BCAS3: variants seen among roughly 807,000 people sequenced by gnomAD.
BCAS3 encodes the protein BCAS3 microtubule associated cell migration factor.
Under a neutral mutation model 116.1 loss-of-function variants are expected in BCAS3, and 53 were observed. The ratio of observed to expected loss-of-function variants is 0.46; its 90% CI spans 0.37 to 0.57. The LOEUF (loss-of-function observed/expected upper bound fraction) is 0.57, where lower values mean the gene tolerates loss of function less well. Among genes scored for constraint, BCAS3 ranks in the 20% least tolerant of loss-of-function variants. The pLI, the probability that BCAS3 is intolerant of heterozygous loss-of-function variation, is 0.00. For missense variants in BCAS3, 917 were observed against 1,165.4 expected, an observed-to-expected ratio of 0.79 and a Z score of 3.10; for synonymous variants, 391 against 408.2, an observed-to-expected ratio of 0.96 and a Z score of 0.51.
rs1311594452 is a variant in BCAS3, at chr17:61,032,383, A to G, written c.1638-2283A>G. ...TTGCAAACTGCTTTCAAAAAATTCT[A>G]CAATACTTTTCTCTTTCCCGTTCCC... On this transcript the variant is annotated intron_variant, in intron 16 of 23. Transcript: ENST00000407086. This position sits in a 1 kb window ranked among gnomAD's most constrained non-coding sequence, Gnocchi z 4.6. Among the ~76,000 whole-genome samples the G allele has an allele frequency of 6.6e-6, 1 of 152,138 alleles. No homozygotes were observed. Among genetic ancestry groups the G allele is most frequent in the Non-Finnish European group, 1.5e-5 (1 of 68,000 alleles).
rs959333442 is a variant in BCAS3 at position 60,961,729 on chromosome 17, G to A, written c.1221+14377G>A. Among the ~76,000 whole-genome samples the A allele has an allele frequency of 6.6e-6, 1 of 150,816 alleles. No homozygotes were observed. Among genetic ancestry groups the A allele is most frequent in the African/African-American group, 2.4e-5 (1 of 40,988 alleles). ...CATTCACCCTGCCCCACACTTCCTGGCCTCTGATAACTGCCATTCTACTCT... is the reference window on the plus strand; with the variant it reads ...CATTCACCCTGCCCCACACTTCCTGACCTCTGATAACTGCCATTCTACTCT... On this transcript the variant is annotated intron_variant, in intron 14 of 23. Transcript: ENST00000407086. This position sits in a 1 kb window ranked among gnomAD's most constrained non-coding sequence, Gnocchi z 4.8.
chr17:61,224,629 C>G lies in BCAS3; in HGVS notation c.2425+140065C>G, dbSNP rs2082281440. ...TCAACTGGTTTGTTGGGATTTGCAT[C>G]TTGCATCCACCACTTCTTACTTCTG... On this transcript the variant is annotated intron_variant, in intron 22 of 23. Transcript: ENST00000407086. The surrounding 1 kb of genome is among the most constrained non-coding windows in gnomAD (Gnocchi z 5.7). 6.6e-6 allele frequency among the ~76,000 whole-genome samples: 1 copy of G among 152,202 alleles called. No individual in the cohort carries two copies. The highest frequency in any genetic ancestry group is 1.5e-5 in the Non-Finnish European group (1 of 68,038).
chr17:61,168,143 G>A lies in BCAS3; in HGVS notation c.2425+83579G>A, dbSNP rs535448440. 2.0e-5 allele frequency among the ~76,000 whole-genome samples: 3 copies of A among 152,252 alleles called. No homozygotes were observed. In the South Asian group the frequency reaches 6.2e-4, roughly 32 times the overall value. On this transcript the variant is annotated intron_variant, in intron 22 of 23. Transcript: ENST00000407086. The stretch of plus-strand genomic sequence containing the variant: ...TTATTTCATTTGCTGGGTCAGGTTT[G>A]ACTTTTCTTTTTTCCCATCTGTCTC...
At chr17:61,090,943 C>T (rs1422767323) in intron 22 of BCAS3, among the ~76,000 whole-genome samples, 1 of 152,202 alleles carries the variant, frequency 6.6e-6, no homozygotes, top group Non-Finnish European at 1.5e-5. Context: ...GCGTGAGCCA[C>T]CGTGCCTGGC....
intron 5 of BCAS3, among the ~76,000 whole-genome samples, chr17:60,711,463 G>A: frequency 6.9e-6 from 1 of 145,674 alleles, no homozygotes; most frequent in South Asian, 2.1e-4. Context: ...TTTGTTGACA[G>A]TACTGAAGAC....
intron 22 of BCAS3, among the ~76,000 whole-genome samples, chr17:61,115,479 C>A: frequency 7.1e-6 from 1 of 141,110 alleles, no homozygotes. Context: ...AGCCAAAAAA[C>A]ACATGAAAAA....
At position 60,786,647 on chromosome 17, in the gene BCAS3, T is replaced by C. The variant is rs113703411; in HGVS notation, c.404-21357T>C. Among the ~76,000 whole-genome samples, 431 of 152,104 alleles carry C rather than the reference T, an allele frequency of 2.8e-3. 1 individual carries two copies. The highest frequency in any genetic ancestry group is 9.8e-3 in the African/African-American group (406 of 41,514). On this transcript the variant is annotated intron_variant, in intron 6 of 23. Transcript: ENST00000407086. ...ATATGTAAACATTTTAGTATGCTTA[T>C]TGGCAAGACTCATGAACGTTAATTG...
chr17:61,172,882 G>A (rs2078931890), intron 22 of BCAS3, among the ~76,000 whole-genome samples: 4 of 151,434 alleles, frequency 2.6e-5, no homozygotes, highest in Admixed American at 2.6e-4. Context: ...CAGCTACTTG[G>A]GAAGCTGAGG....
At position 61,051,315 on chromosome 17, in the gene BCAS3, C is replaced by T. The variant is rs555031063; in HGVS notation, c.2029+10423C>T. 1.3e-4 allele frequency among the ~76,000 whole-genome samples: 20 copies of T among 151,730 alleles called. No homozygotes were observed. Among genetic ancestry groups the T allele is most frequent in the African/African-American group, 4.3e-4 (18 of 41,496 alleles). On this transcript the variant is annotated intron_variant, in intron 19 of 23. Transcript: ENST00000407086. The surrounding 1 kb of genome is among the most constrained non-coding windows in gnomAD (Gnocchi z 4.1). Reference sequence around the variant, plus strand: ...AGGGATGGGGTGGGAGAGAATGTGGCTATATAGAGTTATTACAAGGTTGAT... The same window carrying T: ...AGGGATGGGGTGGGAGAGAATGTGGTTATATAGAGTTATTACAAGGTTGAT...
intron 15 of BCAS3, among the ~76,000 whole-genome samples, chr17:60,999,619 C>G (rs756134383): frequency 4.7e-5 from 7 of 150,360 alleles, no homozygotes; most frequent in Non-Finnish European, 7.4e-5. Flanking sequence ...CTTAGGATTG[C>G]TTTGGCTATT....
intron 22 of BCAS3, among the ~76,000 whole-genome samples, chr17:61,305,289 C>CT (rs1285095735): frequency 2.6e-5 from 4 of 152,100 alleles, no homozygotes; most frequent in Non-Finnish European, 5.9e-5. Flanking sequence ...TTCCTTTCCA[C>CT]TAGTATGGTG....
chr17:60,814,306 T>TGTGC (rs368289350), intron 7 of BCAS3, among the ~76,000 whole-genome samples: 6 of 148,300 alleles, frequency 4.0e-5, no homozygotes, highest in Admixed American at 6.7e-5. Context: ...TGTGTGTGTG[T>TGTGC]GCGCGCGTGC....
chr17:60,851,527 T>A (rs2053162959), intron 7 of BCAS3: 1 of 606,838 alleles, frequency 1.6e-6, no homozygotes, highest in Non-Finnish European at 3.1e-6. Flanking sequence ...AACCACCATC[T>A]GTAAAGCTCT....
intron 7 of BCAS3, among the ~76,000 whole-genome samples, chr17:60,843,391 C>T (rs1460546499): frequency 6.6e-6 from 1 of 151,504 alleles, no homozygotes; most frequent in Non-Finnish European, 1.5e-5. Context: ...CTAATTTTGG[C>T]AATTTTTAGT....
intron 13 of BCAS3, among the ~76,000 whole-genome samples, chr17:60,943,358 C>T (rs2060321032): frequency 6.6e-6 from 1 of 151,904 alleles, no homozygotes; most frequent in South Asian, 2.1e-4. Context: ...CTAAAAGAAG[C>T]CTATATTGAT....
Position 60,790,889 on chromosome 17 carries a change from G to A in BCAS3, c.404-17115G>A, listed in dbSNP as rs564202139. Among the ~76,000 whole-genome samples the A allele has an allele frequency of 6.6e-5, 10 of 151,730 alleles. No individual in the cohort carries two copies. In the South Asian group the frequency reaches 1.7e-3, roughly 25 times the overall value. On this transcript the variant is annotated intron_variant, in intron 6 of 23. Coordinates refer to ENST00000407086, the MANE Select transcript of BCAS3 (RefSeq NM_017679.5). ...CTCCCAAGTAGCCAGGATTACAGGC[G>A]TGCACCACCACGCCTGGCTAATTTT...
chr17:61,344,654 A>G lies in BCAS3; in HGVS notation c.2426-23673A>G, dbSNP rs2057390406. Among the ~76,000 whole-genome samples the G allele has an allele frequency of 6.6e-6, 1 of 152,206 alleles. No homozygotes were observed. Among genetic ancestry groups the G allele is most frequent in the African/African-American group, 2.4e-5 (1 of 41,446 alleles). On this transcript the variant is annotated intron_variant, in intron 22 of 23. Transcript: ENST00000407086. The surrounding 1 kb of genome is among the most constrained non-coding windows in gnomAD (Gnocchi z 4.1). ...AGGAGAGGATCAGAAAAGGCTTCCC[A>G]GAAGTTCGATTTAAGCTGCAGTTGA...
intron 22 of BCAS3, among the ~76,000 whole-genome samples, chr17:61,304,762 T>C (rs2053711688): frequency 6.6e-6 from 1 of 152,124 alleles, no homozygotes; most frequent in East Asian, 1.9e-4. Context: ...CAATCCTTTT[T>C]TTTTTTTTGA....
In BCAS3 at chr17:61,204,390, A is replaced by G. The variant is rs957524239; in HGVS notation, c.2425+119826A>G. Among the ~76,000 whole-genome samples the G allele has an allele frequency of 6.6e-6, 1 of 152,184 alleles. No individual in the cohort carries two copies. Among genetic ancestry groups the G allele is most frequent in the African/African-American group, 2.4e-5 (1 of 41,452 alleles). ...ACGGGACCTTTACATTTAGTTCACTATTTTTTGAAAATAATATTCTATGTT... is the reference window on the plus strand; with the variant it reads ...ACGGGACCTTTACATTTAGTTCACTGTTTTTTGAAAATAATATTCTATGTT... On this transcript the variant is annotated intron_variant, in intron 22 of 23. Coordinates refer to ENST00000407086, the MANE Select transcript of BCAS3 (RefSeq NM_017679.5). The surrounding 1 kb of genome is among the most constrained non-coding windows in gnomAD (Gnocchi z 4.2).
Sources: allele counts gnomAD v4.1 joint callset (sites outside exome capture counted in the v4.1 genomes callset), GRCh38; gene constraint gnomAD v4.1.1; non-coding constraint Gnocchi (gnomAD v3.1); transcripts MANE v1.5; gene names NCBI Gene and HGNC (gene_info 2026-07-23, HGNC 2026-07-21).